MIPOL1: variants seen among roughly 807,000 people sequenced by gnomAD.
MIPOL1 encodes the protein mirror-image polydactyly gene 1 protein.
MIPOL1 carries 57 observed loss-of-function variants against 60.9 expected under a neutral mutation model. The ratio of observed to expected loss-of-function variants is 0.94; its 90% confidence interval spans 0.76 to 1.17. The LOEUF (loss-of-function observed/expected upper bound fraction) is 1.17, where lower values mean the gene tolerates loss of function less well. MIPOL1 is among the 50% of genes most tolerant of loss of function. The pLI is 0.00. For synonymous variants in MIPOL1, 179 were observed against 168.8 expected, an observed-to-expected ratio of 1.06 and a Z score of -0.47; for missense variants, 551 against 511.6, an observed-to-expected ratio of 1.08 and a Z score of -0.74.
chr14:37,307,479 C>A (rs561528406), intron 7 of MIPOL1, among the ~76,000 whole-genome samples: 1 of 151,730 alleles, frequency 6.6e-6, no homozygotes, highest in Admixed American at 6.6e-5. Flanking sequence ...GTCTTTATGT[C>A]GAATAATTCT....
intron 11 of MIPOL1, among the ~76,000 whole-genome samples, chr14:37,461,706 G>A (rs1329382260): frequency 1.3e-5 from 2 of 152,056 alleles, no homozygotes; most frequent in African/African-American, 4.8e-5. Flanking sequence ...AAAACAAAGG[G>A]GCTATAGGAC....
chr14:37,405,732 A>T (rs1595625258), intron 10 of MIPOL1, among the ~76,000 whole-genome samples: 1 of 152,076 alleles, frequency 6.6e-6, no homozygotes, highest in African/African-American at 2.4e-5. Context: ...CAGTAAAAAA[A>T]AAGTCTTTCA....
intron 9 of MIPOL1, among the ~76,000 whole-genome samples, chr14:37,359,984 G>A (rs1189559427): frequency 6.6e-6 from 1 of 152,138 alleles, no homozygotes; most frequent in Non-Finnish European, 1.5e-5. Flanking sequence ...ATTATTTTGA[G>A]ATACGTTCCA....
At chr14:37,509,754 CACAT>C (rs1237540382) in intron 12 of MIPOL1, among the ~76,000 whole-genome samples, 37 of 150,844 alleles carry the variant, frequency 2.5e-4, no homozygotes, top group Admixed American at 2.2e-3. Context: ...ACATGTGATA[CACAT>C]ACATGTATGT....
intron 11 of MIPOL1, among the ~76,000 whole-genome samples, chr14:37,452,009 G>T (rs1006509157): frequency 2.0e-5 from 3 of 151,176 alleles, no homozygotes; most frequent in African/African-American, 7.3e-5. Flanking sequence ...TAGAGACGGG[G>T]TTTCACCGTG....
chr14:37,202,132 A>G (rs1464582314), intron 1 of MIPOL1, among the ~76,000 whole-genome samples: 1 of 152,096 alleles, frequency 6.6e-6, no homozygotes. Context: ...GCACCAGCCC[A>G]TTTCTTGTTT....
At chr14:37,480,021 C>G (rs1034684828) in intron 11 of MIPOL1, among the ~76,000 whole-genome samples, 1 of 151,972 alleles carries the variant, frequency 6.6e-6, no homozygotes. Context: ...CCAGTAATGA[C>G]TATAAAGAGG....
At chr14:37,515,938 A>C (rs1312417080) in intron 12 of MIPOL1, among the ~76,000 whole-genome samples, 3 of 152,204 alleles carry the variant, frequency 2.0e-5, no homozygotes, top group African/African-American at 7.2e-5. Flanking sequence ...GAGCTGGTAA[A>C]GGAAACCATG....
At chr14:37,462,007 C>T (rs566486841) in intron 11 of MIPOL1, among the ~76,000 whole-genome samples, 101 of 152,312 alleles carry the variant, frequency 6.6e-4, no homozygotes, top group African/African-American at 2.4e-3. Context: ...CTAGATGGTG[C>T]CCTAGTAGAG....
chr14:37,433,691 G>A (rs925858500), intron 11 of MIPOL1, among the ~76,000 whole-genome samples: 3 of 152,086 alleles, frequency 2.0e-5, no homozygotes. Flanking sequence ...AAGTAGCTGG[G>A]ATTACAGGTG....
intron 12 of MIPOL1, among the ~76,000 whole-genome samples, chr14:37,516,281 T>G (rs763626513): frequency 6.6e-6 from 1 of 152,176 alleles, no homozygotes; most frequent in Non-Finnish European, 1.5e-5. Context: ...GTCTAAAGTC[T>G]TTTTGTTTTT....
At chr14:37,305,263 G>T (rs1048776009) in intron 7 of MIPOL1, among the ~76,000 whole-genome samples, 1 of 151,720 alleles carries the variant, frequency 6.6e-6, no homozygotes, top group Non-Finnish European at 1.5e-5. Flanking sequence ...ATCTAGCTTA[G>T]AAAATTATGG....
At chr14:37,403,251 C>G (rs1376258731) in intron 10 of MIPOL1, among the ~76,000 whole-genome samples, 1 of 151,952 alleles carries the variant, frequency 6.6e-6, no homozygotes, top group Non-Finnish European at 1.5e-5. Context: ...CAGAGGATTC[C>G]CTGTAAATTA....
chr14:37,304,027 G>T (rs896436528), intron 7 of MIPOL1, among the ~76,000 whole-genome samples: 1 of 151,720 alleles, frequency 6.6e-6, no homozygotes, highest in Admixed American at 6.6e-5. Flanking sequence ...GAATCTATAG[G>T]TTCTGAACTG....
rs3061903 is a variant in MIPOL1 at position 37,248,975 on chromosome 14, AGGATGGATGGATGGAT to A, written c.19+1095_19+1110del. Among the ~76,000 whole-genome samples, 1,454 of 149,518 alleles carry A rather than the reference AGGATGGATGGATGGAT, an allele frequency of 9.7e-3. 32 individuals are homozygous for A. Among genetic ancestry groups the A allele is most frequent in the African/African-American group, 0.034 (1,371 of 40,384 alleles). On this transcript the variant is annotated intron_variant, in intron 3 of 12. Coordinates refer to ENST00000684589, the MANE Select transcript of MIPOL1 (RefSeq NM_001388067.1). ...AGATATGGCCTGAAAAACAAATGGA[AGGATGGATGGATGGAT>A]GGATGGATGGATGGATGGATGGATG...
At chr14:37,427,697 A>G (rs2093988686) in intron 11 of MIPOL1, among the ~76,000 whole-genome samples, 1 of 152,130 alleles carries the variant, frequency 6.6e-6, no homozygotes, top group African/African-American at 2.4e-5. Context: ...CGGGGGAGGA[A>G]ATTATGAAAA....
At chr14:37,340,488 TC>T (rs2090485352) in intron 9 of MIPOL1, among the ~76,000 whole-genome samples, 1 of 152,042 alleles carries the variant, frequency 6.6e-6, no homozygotes, top group Non-Finnish European at 1.5e-5. Context: ...AGTCGGACGA[TC>T]CCTTGCATCC....
intron 7 of MIPOL1, 45 bp downstream of exon 7, chr14:37,285,492 A>T: frequency 1.3e-6 from 2 of 1,587,498 alleles, no homozygotes; most frequent in Non-Finnish European, 1.7e-6. Flanking sequence ...GAACACTTAT[A>T]AAAGGCATGC....
At chr14:37,362,304 G>T (rs1421303066) in intron 9 of MIPOL1, among the ~76,000 whole-genome samples, 1 of 152,108 alleles carries the variant, frequency 6.6e-6, no homozygotes, top group Non-Finnish European at 1.5e-5. Context: ...AGGCAGGCCT[G>T]GTGGTGGCAA....
Sources: allele counts gnomAD v4.1 joint callset (sites outside exome capture counted in the v4.1 genomes callset), GRCh38; gene constraint gnomAD v4.1.1; transcripts MANE v1.5; gene names NCBI Gene and HGNC (gene_info 2026-07-23, HGNC 2026-07-21).